GK5: variants seen among roughly 807,000 people sequenced by gnomAD.
GK5 encodes ATP:glycerol 3-phosphotransferase 5.
Under a neutral mutation model 77.3 loss-of-function variants are expected in GK5, and 39 were observed. That is an observed-to-expected ratio of 0.50 (90% CI 0.39 to 0.66). The LOEUF (loss-of-function observed/expected upper bound fraction) is 0.66. Ranked by LOEUF, GK5 falls within the 30% of genes least tolerant of loss-of-function variation. GK5 has a pLI of 0.00. For synonymous variants in GK5, 211 were observed against 208.0 expected (o/e 1.01, Z -0.13); for missense variants, 487 against 633.8 (o/e 0.77, Z 2.49).
At chr3:142,166,973 A>AT (rs2063479203) in intron 15 of GK5, among the ~76,000 whole-genome samples, 1 of 152,104 alleles carries the variant, frequency 6.6e-6, no homozygotes, top group Non-Finnish European at 1.5e-5. Context: ...CATGAAGTAC[A>AT]TTTTTTCTTA....
At chr3:142,208,721 T>C (rs1030521829) in intron 3 of GK5, among the ~76,000 whole-genome samples, 2 of 152,252 alleles carry the variant, frequency 1.3e-5, no homozygotes, top group African/African-American at 4.8e-5. Context: ...AGCCAATTTG[T>C]ACCAGGAGTT....
chr3:142,217,453 A>AC (rs2064288887), intron 1 of GK5, among the ~76,000 whole-genome samples: 1 of 152,174 alleles, frequency 6.6e-6, no homozygotes, highest in South Asian at 2.1e-4. Context: ...TTGAAGATAG[A>AC]CCAATAGAAA....
At position 142,176,255 on chromosome 3, in the gene GK5, A is replaced by AT. The variant is rs139416289; in HGVS notation, c.1143+1226dup. Reference sequence around the variant, plus strand: ...TAAAGATTTAAAACACCCTGACCTAATTTTTTTTTCTACCAGCTTCTATAT... The same window carrying AT: ...TAAAGATTTAAAACACCCTGACCTAATTTTTTTTTTCTACCAGCTTCTATAT... On this transcript the variant is annotated intron_variant, in intron 12 of 15. Transcript: ENST00000392993. Among the ~76,000 whole-genome samples, 1,321 of 151,638 alleles carry AT rather than the reference A, an allele frequency of 8.7e-3. 19 individuals are homozygous for AT. Among genetic ancestry groups the AT allele is most frequent in the African/African-American group, 0.03 (1,232 of 41,336 alleles).
rs375379632 is a variant in GK5, at chr3:142,186,429, A to G, written c.681+23T>C. The G allele has an allele frequency of 5.8e-4, 817 of 1,400,698 alleles. 2 individuals are homozygous for G. Among genetic ancestry groups the G allele is most frequent in the Non-Finnish European group, 7.3e-4 (749 of 1,027,952 alleles). 86.8% of individuals were successfully genotyped at this position (1,400,698 alleles called of 1,614,324 possible). On this transcript the variant is annotated intron_variant, in intron 7 of 15. Transcript: ENST00000392993. Reference sequence around the variant, plus strand: ...TATTACACAAAAATGTGTGATTCAAAAAGAAGAAAAAAAAATTTTTACCTT... The same window carrying G: ...TATTACACAAAAATGTGTGATTCAAGAAGAAGAAAAAAAAATTTTTACCTT...
rs554331327 is a variant in GK5, at chr3:142,204,043, G to T, written c.411+652C>A. 9.2e-5 allele frequency among the ~76,000 whole-genome samples: 14 copies of T among 152,258 alleles called. No individual in the cohort carries two copies. In the South Asian group the frequency reaches 2.7e-3, roughly 29 times the overall value. On this transcript the variant is annotated intron_variant, in intron 4 of 15. Coordinates refer to ENST00000392993, the MANE Select transcript of GK5 (RefSeq NM_001039547.3). ...ATTTGGTATTGTTGGCTTTGAGACA[G>T]GATCTCACCGTGTCACCCAGACAGA...
At chr3:142,204,479 TC>T in intron 4 of GK5, 1 of 600,070 alleles carries the variant, frequency 1.7e-6, no homozygotes, top group Non-Finnish European at 3.1e-6. Context: ...GAAACTCTGG[TC>T]CACCACAAAC....
rs1405902073 is a variant in GK5 at position 142,159,205 on chromosome 3, A to C, written c.*6417T>G. Reference sequence around the variant, plus strand: ...ATAAACAGAATGGTTGAAATAAGAAATAGTGACAACACCAAATGCTGGCGA... The same window carrying C: ...ATAAACAGAATGGTTGAAATAAGAACTAGTGACAACACCAAATGCTGGCGA... On this transcript the variant is annotated 3_prime_UTR_variant, in exon 16 of 16. Coordinates refer to ENST00000392993, the MANE Select transcript of GK5 (RefSeq NM_001039547.3). The C allele has an allele frequency of 6.6e-6, 1 of 152,252 alleles. No homozygotes were observed. Among genetic ancestry groups the C allele is most frequent in the Non-Finnish European group, 1.5e-5 (1 of 68,048 alleles). 9.4% of individuals were successfully genotyped at this position (152,252 alleles called of 1,614,324 possible).
At chr3:142,213,671 A>G (rs1438269686) in intron 2 of GK5, 70 bp from the exon 3 acceptor site, 5 of 980,058 alleles carry the variant, frequency 5.1e-6, no homozygotes, top group African/African-American at 1.6e-5. Flanking sequence ...ATTACAATAT[A>G]GAAAAAGAAA....
At chr3:142,185,650 A>AT (rs1346085935) in intron 9 of GK5, 10 of 1,214,214 alleles carry the variant, frequency 8.2e-6, no homozygotes, top group South Asian at 5.1e-5. Context: ...ATTAAAAAAA[A>AT]TTTTTTTTAA....
Position 142,165,442 on chromosome 3 carries a change from G to C in GK5, c.*180C>G, listed in dbSNP as rs1482506448. On this transcript the variant is annotated 3_prime_UTR_variant, in exon 16 of 16. Transcript: ENST00000392993. Reference sequence around the variant, plus strand: ...GTATTGCTGCCTTACCATGGTTTAGGGGAAAAAAATAAGAGTTTTTTGTTC... The same window carrying C: ...GTATTGCTGCCTTACCATGGTTTAGCGGAAAAAAATAAGAGTTTTTTGTTC... 2.0e-5 allele frequency: 9 copies of C among 460,220 alleles called. No individual in the cohort carries two copies. The highest frequency in any genetic ancestry group is 3.4e-5 in the Non-Finnish European group (9 of 266,024). 28.5% of individuals were successfully genotyped at this position (460,220 alleles called of 1,614,324 possible).
intron 4 of GK5, chr3:142,204,206 T>C (rs1157630045): frequency 4.8e-6 from 1 of 207,076 alleles, no homozygotes; most frequent in African/African-American, 2.4e-5. Flanking sequence ...TTTGTAGAGA[T>C]GAGGTCTTAC....
chr3:142,197,232 AC>A (rs2063947880), intron 5 of GK5, among the ~76,000 whole-genome samples: 1 of 152,128 alleles, frequency 6.6e-6, no homozygotes, highest in South Asian at 2.1e-4. Flanking sequence ...GAAGTCTCCA[AC>A]TATCACTGCT....
At chr3:142,216,392 C>A (rs1033775264) in intron 1 of GK5, among the ~76,000 whole-genome samples, 1 of 152,016 alleles carries the variant, frequency 6.6e-6, no homozygotes, top group Non-Finnish European at 1.5e-5. Context: ...TACTTTTATA[C>A]CCACAAAATC....
chr3:142,220,231 G>A (rs1007479743), intron 1 of GK5, among the ~76,000 whole-genome samples: 1 of 152,098 alleles, frequency 6.6e-6, no homozygotes, highest in Non-Finnish European at 1.5e-5. Flanking sequence ...TCCACCTCCC[G>A]GGTTCACACT....
rs2064228192 is a variant in GK5, at chr3:142,213,603, TA to T, written c.242-3del. ...TTTGATTCATCTGTATTCCTGCAGC[TA>T]AAAGTAAAGATGGATAAAACACATG... On this transcript the variant is annotated splice_region_variant and splice_polypyrimidine_tract_variant and intron_variant, in intron 2 of 15. Transcript: ENST00000392993. 1 of 1,602,796 alleles carries T rather than the reference TA, an allele frequency of 6.2e-7. No homozygotes were observed. The highest frequency in any genetic ancestry group is 8.5e-7 in the Non-Finnish European group (1 of 1,169,948).
intron 10 of GK5, 133 bp from the exon 11 acceptor site, chr3:142,181,698 C>G: frequency 1.7e-6 from 1 of 593,210 alleles, no homozygotes; most frequent in East Asian, 3.0e-5. Context: ...CGTTCAAACT[C>G]TAGCCCACTT....
chr3:142,213,688 A>G (rs1177536374), intron 2 of GK5, 87 bp from the exon 3 acceptor site: 6 of 851,352 alleles, frequency 7.0e-6, no homozygotes, highest in Non-Finnish European at 1.1e-5. Context: ...GAAATCCAAT[A>G]TAATCTTTAA....
chr3:142,179,179 T>C (rs2063660971), intron 11 of GK5, among the ~76,000 whole-genome samples: 1 of 152,228 alleles, frequency 6.6e-6, no homozygotes, highest in African/African-American at 2.4e-5. Context: ...CATTTTATGA[T>C]TTGTTATATA....
In GK5 at chr3:142,200,025, C is replaced by A. The variant is rs2063994123; in HGVS notation, c.412-1092G>T. 2.0e-5 allele frequency among the ~76,000 whole-genome samples: 3 copies of A among 151,638 alleles called. No homozygotes were observed. The South Asian group carries it at 6.3e-4, about 32-fold the overall frequency. ...ATTAATAAAATTTGTAGACTCAGTT[C>A]TTTCAGTCTAGTCCTTTTAACTTCC... On this transcript the variant is annotated intron_variant, in intron 4 of 15. Transcript: ENST00000392993.
Sources: allele counts gnomAD v4.1 joint callset (sites outside exome capture counted in the v4.1 genomes callset), GRCh38; gene constraint gnomAD v4.1.1; transcripts MANE v1.5; gene names NCBI Gene and HGNC (gene_info 2026-07-23, HGNC 2026-07-21).